Variants in WAC observed in about 807,000 individuals in gnomAD.
The protein encoded by WAC is WW domain containing adaptor with coiled-coil.
WAC carries 11 observed loss-of-function variants against 79.6 expected under a neutral mutation model. The ratio of observed to expected loss-of-function variants is 0.14; its 90% CI spans 0.09 to 0.23. The LOEUF is 0.23. WAC is among the 10% of genes least tolerant of loss of function. The pLI is 1.00. For synonymous variants in WAC, 304 were observed against 276.9 expected (o/e 1.10, Z -0.97); for missense variants, 728 against 773.5 (o/e 0.94, Z 0.70).
rs575933408 is a variant in WAC, at chr10:28,602,933, G to T, written c.920-5253G>T. Reference sequence around the variant, plus strand: ...AAATACATAGAATTTAAAATCAAAGGGTGATATTTACAGCACATATCAAAT... The same window carrying T: ...AAATACATAGAATTTAAAATCAAAGTGTGATATTTACAGCACATATCAAAT... On this transcript the variant is annotated intron_variant, in intron 7 of 13. Transcript: ENST00000354911. Among the ~76,000 whole-genome samples the T allele has an allele frequency of 2.0e-5, 3 of 152,200 alleles. No individual in the cohort carries two copies. In the South Asian group the frequency reaches 6.2e-4, roughly 32 times the overall value.
chr10:28,596,322 C>CAA (rs1417614697), intron 7 of WAC, among the ~76,000 whole-genome samples: 1 of 152,184 alleles, frequency 6.6e-6, no homozygotes, highest in African/African-American at 2.4e-5. Context: ...AGTCAAGTAA[C>CAA]TGTCTCTTCA....
chr10:28,545,040 C>CAA (rs71391049), intron 3 of WAC, among the ~76,000 whole-genome samples: 19 of 114,470 alleles, frequency 1.7e-4, no homozygotes, highest in African/African-American at 2.6e-4. Flanking sequence ...GACTCTGTCT[C>CAA]AAAAAAAAAA....
intron 12 of WAC, among the ~76,000 whole-genome samples, chr10:28,616,771 A>AT (rs1467598621): frequency 6.6e-6 from 1 of 152,220 alleles, no homozygotes; most frequent in Non-Finnish European, 1.5e-5. Flanking sequence ...ATAGTTTCAG[A>AT]TTCCATTAGC....
intron 6 of WAC, among the ~76,000 whole-genome samples, chr10:28,592,938 G>C: frequency 6.6e-6 from 1 of 152,068 alleles, no homozygotes; most frequent in East Asian, 1.9e-4. Context: ...TATTGATTGC[G>C]TAGGTATACC....
chr10:28,592,456 T>C (rs915234859), intron 6 of WAC, among the ~76,000 whole-genome samples: 6 of 152,082 alleles, frequency 3.9e-5, no homozygotes, highest in African/African-American at 1.4e-4. Flanking sequence ...ACCCCGTCTC[T>C]ACTAAAATAC....
intron 3 of WAC, among the ~76,000 whole-genome samples, chr10:28,555,213 A>C (rs116565763): frequency 6.6e-6 from 1 of 151,998 alleles, no homozygotes; most frequent in African/African-American, 2.4e-5. Context: ...CTTCTGCTCA[A>C]AACCCTCTCA....
intron 3 of WAC, among the ~76,000 whole-genome samples, chr10:28,546,583 T>A (rs1008033790): frequency 6.6e-6 from 1 of 152,204 alleles, no homozygotes; most frequent in Non-Finnish European, 1.5e-5. Context: ...TAAAGAATAA[T>A]GAGTTAAGTC....
At position 28,541,415 on chromosome 10, in the gene WAC, G is replaced by GTTTTTTTTTTT. The variant is rs143772149; in HGVS notation, c.274+5662_274+5663insTTTTTTTTTTT. Among the ~76,000 whole-genome samples the GTTTTTTTTTTT allele has an allele frequency of 2.6e-4, 10 of 37,902 alleles. 2 individuals carry two copies. The highest frequency in any genetic ancestry group is 3.8e-4 in the Non-Finnish European group (9 of 23,612). 24.9% of individuals were successfully genotyped at this position (37,902 alleles called of 152,430 possible). The stretch of plus-strand genomic sequence containing the variant: ...TTTTTGTGGGGTTGTGTGTGTGTGT[G>GTTTTTTTTTTT]TTTTGTTTTTTTTTTTTTTTTTTTT... On this transcript the variant is annotated intron_variant, in intron 3 of 13. Transcript: ENST00000354911.
intron 3 of WAC, among the ~76,000 whole-genome samples, chr10:28,540,509 C>T (rs1836951775): frequency 6.6e-6 from 1 of 152,224 alleles, no homozygotes; most frequent in African/African-American, 2.4e-5. Flanking sequence ...GTTATCACAT[C>T]AGTGTTTTAT....
At chr10:28,608,472 G>T (rs1841066271) in intron 8 of WAC, 41 bp downstream of exon 8, 1 of 1,522,416 alleles carries the variant, frequency 6.6e-7, no homozygotes, top group South Asian at 1.2e-5. Flanking sequence ...TATTTGCATT[G>T]TGCAAAGTTA....
At chr10:28,571,377 A>C (rs1261052080) in intron 3 of WAC, among the ~76,000 whole-genome samples, 2 of 152,208 alleles carry the variant, frequency 1.3e-5, no homozygotes, top group Non-Finnish European at 2.9e-5. Context: ...TTAGTATCCA[A>C]GGCCCCTTAG....
chr10:28,547,907 C>G (rs971669064), intron 3 of WAC, among the ~76,000 whole-genome samples: 2 of 126,518 alleles, frequency 1.6e-5, no homozygotes, highest in Non-Finnish European at 1.6e-5. Context: ...AATTTTCTTT[C>G]TCTTTTTCTT....
At chr10:28,559,753 A>G (rs1272266877) in intron 3 of WAC, among the ~76,000 whole-genome samples, 1 of 152,130 alleles carries the variant, frequency 6.6e-6, no homozygotes, top group Non-Finnish European at 1.5e-5. Flanking sequence ...TCAGTCTAGA[A>G]CCCACATAGC....
At chr10:28,619,085 C>T (rs1249664125) in intron 13 of WAC, among the ~76,000 whole-genome samples, 1 of 152,168 alleles carries the variant, frequency 6.6e-6, no homozygotes, top group Non-Finnish European at 1.5e-5. Flanking sequence ...TCAAGACCAG[C>T]CTGGCCAACA....
intron 3 of WAC, among the ~76,000 whole-genome samples, chr10:28,540,774 G>C (rs1193344139): frequency 6.6e-6 from 1 of 152,082 alleles, no homozygotes; most frequent in Admixed American, 6.6e-5. Context: ...GTTTGCATTG[G>C]ATTTCCATTG....
chr10:28,574,917 A>G (rs1158093252), intron 3 of WAC, among the ~76,000 whole-genome samples: 1 of 152,084 alleles, frequency 6.6e-6, no homozygotes, highest in African/African-American at 2.4e-5. Context: ...GTGCCAGTAC[A>G]TTTTAGGTAC....
chr10:28,610,364 ACT>A (rs1250975783), intron 8 of WAC, among the ~76,000 whole-genome samples: 1 of 152,126 alleles, frequency 6.6e-6, no homozygotes, highest in Non-Finnish European at 1.5e-5. Flanking sequence ...CATACTGAAC[ACT>A]CACATATGAA....
intron 3 of WAC, among the ~76,000 whole-genome samples, chr10:28,581,238 CTTTT>C (rs71391053): frequency 1.5e-5 from 1 of 66,086 alleles, no homozygotes; most frequent in Non-Finnish European, 2.8e-5. Context: ...ATGAGCGATT[CTTTT>C]TTTTTTTTTT....
intron 4 of WAC, among the ~76,000 whole-genome samples, chr10:28,587,918 A>T (rs1336532391): frequency 9.4e-6 from 1 of 106,814 alleles, no homozygotes; most frequent in Non-Finnish European, 1.9e-5. Context: ...TGTTTAGTTC[A>T]GCTGACTTTT....
Sources: gnomAD v4.1 joint callset for allele counts (sites outside exome capture counted in the v4.1 genomes callset) on GRCh38, gnomAD v4.1.1 for gene constraint, MANE v1.5 for transcripts, NCBI Gene and HGNC (gene_info 2026-07-23, HGNC 2026-07-21) for gene names.